The following RBMS3 variants were observed in gnomAD, a reference collection of about 807,000 sequenced individuals.
RBMS3 encodes RNA binding motif single stranded interacting protein 3.
Under a neutral mutation model 66.8 loss-of-function variants are expected in RBMS3, and 27 were observed. That is an observed-to-expected ratio of 0.40 (90% CI 0.30 to 0.56). The LOEUF (loss-of-function observed/expected upper bound fraction) is 0.56, where lower values mean the gene tolerates loss of function less well. Ranked by LOEUF, RBMS3 falls within the 20% of genes least tolerant of loss-of-function variation. The probability of loss-of-function intolerance (pLI) is 0.40; values close to 1 mark genes in which losing one functional copy is unlikely to be tolerated. For missense variants in RBMS3, 513 were observed against 549.5 expected (o/e 0.93, Z 0.66); for synonymous variants, 188 against 183.0 (o/e 1.03, Z -0.22).
chr3:29,373,566 GT>G (rs1158321022), intron 1 of RBMS3, among the ~76,000 whole-genome samples: 1 of 152,198 alleles, frequency 6.6e-6, no homozygotes, highest in African/African-American at 2.4e-5. Context: ...ATAATGATCA[GT>G]TTCTGTTTCC....
chr3:29,580,089 A>T (rs1054711229), intron 3 of RBMS3, among the ~76,000 whole-genome samples: 2 of 152,226 alleles, frequency 1.3e-5, no homozygotes, highest in African/African-American at 4.8e-5. Context: ...CAAGTGCCGT[A>T]CTACTAAATA....
Position 29,944,122 on chromosome 3 carries a change from G to C in RBMS3, c.1051-85G>C, listed in dbSNP as rs563828864. 4.9e-6 allele frequency: 6 copies of C among 1,229,018 alleles called. No individual in the cohort carries two copies. In the East Asian group the frequency reaches 1.4e-4, roughly 29 times the overall value. The allele number at this position is 1,229,018 out of a possible 1,614,324, so 76.1% of individuals were successfully genotyped here. A position where few individuals can be genotyped will look rare whatever the true frequency, so the allele number is the denominator to read the frequency against. Reference sequence around the variant, plus strand: ...GTCAGGCAACCATATGACACACAGCGGACTCTTCCACGTGTTAGGGCTGAT... The same window carrying C: ...GTCAGGCAACCATATGACACACAGCCGACTCTTCCACGTGTTAGGGCTGAT... On this transcript the variant is annotated intron_variant, in intron 11 of 14. Coordinates refer to ENST00000383767, the MANE Select transcript of RBMS3 (RefSeq NM_001003793.3).
chr3:29,746,668 T>C (rs2054909107), intron 5 of RBMS3, among the ~76,000 whole-genome samples: 1 of 152,144 alleles, frequency 6.6e-6, no homozygotes, highest in Non-Finnish European at 1.5e-5. Context: ...GTGATGAACA[T>C]TCTATTTTCT....
At chr3:29,840,673 C>T (rs749359155) in intron 6 of RBMS3, among the ~76,000 whole-genome samples, 2 of 152,018 alleles carry the variant, frequency 1.3e-5, no homozygotes, top group African/African-American at 2.4e-5. Flanking sequence ...TTGAGAACTG[C>T]TGGCATATGA....
chr3:29,371,041 C>T (rs148035910), intron 1 of RBMS3, among the ~76,000 whole-genome samples: 6 of 152,254 alleles, frequency 3.9e-5, no homozygotes, highest in Non-Finnish European at 7.4e-5. Context: ...TATTTTTAAG[C>T]GATCTTTGTT....
intron 1 of RBMS3, among the ~76,000 whole-genome samples, chr3:29,322,019 A>G (rs2035037431): frequency 6.6e-6 from 1 of 152,172 alleles, no homozygotes; most frequent in African/African-American, 2.4e-5. Context: ...AGAATACGTG[A>G]TAAAATTGTA....
intron 2 of RBMS3, among the ~76,000 whole-genome samples, chr3:29,446,891 C>G (rs2125751042): frequency 7.1e-6 from 1 of 140,172 alleles, no homozygotes; most frequent in Non-Finnish European, 1.5e-5. Flanking sequence ...TTCTTCAATG[C>G]TTCCATTAAG....
At chr3:29,548,450 A>AAAC (rs765552857) in intron 3 of RBMS3, among the ~76,000 whole-genome samples, 33 of 129,400 alleles carry the variant, frequency 2.6e-4, no homozygotes, top group Non-Finnish European at 4.6e-4. Context: ...ACAAACAAAC[A>AAAC]AAAAACAAAA....
intron 1 of RBMS3, among the ~76,000 whole-genome samples, chr3:29,308,556 T>TA (rs1042231619): frequency 6.0e-5 from 9 of 150,614 alleles, no homozygotes; most frequent in Admixed American, 6.6e-5. Context: ...CTGCCAGGGC[T>TA]AAAAAAAAAT....
intron 10 of RBMS3, among the ~76,000 whole-genome samples, chr3:29,927,879 C>T: frequency 6.6e-6 from 1 of 152,102 alleles, no homozygotes; most frequent in East Asian, 1.9e-4. Context: ...AAAGCACATG[C>T]TCTTGGGCAG....
chr3:29,545,990 AC>A (rs1431016286), intron 3 of RBMS3, among the ~76,000 whole-genome samples: 1 of 150,792 alleles, frequency 6.6e-6, no homozygotes, highest in Non-Finnish European at 1.5e-5. Flanking sequence ...TCCAAGGAAA[AC>A]TTTGTTGTTA....
chr3:29,296,874 A>T (rs2033304402), intron 1 of RBMS3, among the ~76,000 whole-genome samples: 2 of 143,178 alleles, frequency 1.4e-5, no homozygotes, highest in African/African-American at 2.6e-5. Context: ...ACCTGAAAAG[A>T]TGACCTTTTT....
chr3:29,515,672 T>G (rs1005109925), intron 3 of RBMS3, among the ~76,000 whole-genome samples: 1 of 152,166 alleles, frequency 6.6e-6, no homozygotes, highest in Non-Finnish European at 1.5e-5. Context: ...TCCAGAGCAG[T>G]AGGGTGACTC....
rs961745906 is a variant in RBMS3 at position 30,004,764 on chromosome 3, T to A, written c.*902T>A. 1.6e-4 allele frequency: 24 copies of A among 152,220 alleles called. No individual in the cohort carries two copies. The highest frequency in any genetic ancestry group is 7.2e-4 in the Admixed American group (11 of 15,212). The allele number at this position is 152,220 out of a possible 1,614,324, so 9.4% of individuals were successfully genotyped here. A position where few individuals can be genotyped will look rare whatever the true frequency, so the allele number is the denominator to read the frequency against. ...TTGGGGGGCAGAATGCAGATTTTTT[T>A]AATTTACAAAGCGTGATCGCTAGCA... On this transcript the variant is annotated 3_prime_UTR_variant, in exon 15 of 15. Coordinates refer to ENST00000383767, the MANE Select transcript of RBMS3 (RefSeq NM_001003793.3).
intron 2 of RBMS3, among the ~76,000 whole-genome samples, chr3:29,482,510 T>C (rs2043161328): frequency 6.6e-6 from 1 of 152,096 alleles, no homozygotes; most frequent in African/African-American, 2.4e-5. Context: ...ACTAGTTATT[T>C]CAAGTGGCAG....
chr3:29,500,852 G>A (rs1218814198), intron 3 of RBMS3, among the ~76,000 whole-genome samples: 1 of 152,066 alleles, frequency 6.6e-6, no homozygotes, highest in Non-Finnish European at 1.5e-5. Context: ...GTGTGTGTGT[G>A]TGTGTGTGTG....
At position 29,587,082 on chromosome 3, in the gene RBMS3, A is replaced by G. The variant is rs777599562; in HGVS notation, c.308-32A>G. 2.6e-6 allele frequency: 4 copies of G among 1,539,390 alleles called. No individual in the cohort carries two copies. The African/African-American group carries it at 4.2e-5, about 16-fold the overall frequency. The stretch of plus-strand genomic sequence containing the variant: ...GAAGATAGAGATTCAGCTTTTTGTG[A>G]ATATTAACAAGGGGATTTTGTGTTT... On this transcript the variant is annotated intron_variant, in intron 3 of 14. Transcript: ENST00000383767.
At chr3:29,737,062 C>T (rs1223425517) in intron 4 of RBMS3, among the ~76,000 whole-genome samples, 1 of 151,952 alleles carries the variant, frequency 6.6e-6, no homozygotes. Context: ...CTGCAAGCTC[C>T]GCCTCCCGGG....
intron 1 of RBMS3, among the ~76,000 whole-genome samples, chr3:29,365,200 G>A (rs2037829969): frequency 6.6e-6 from 1 of 152,068 alleles, no homozygotes; most frequent in South Asian, 2.1e-4. Flanking sequence ...GGCCTTGGCT[G>A]CACCAAATGG....
Sources: allele counts gnomAD v4.1 joint callset (sites outside exome capture counted in the v4.1 genomes callset), GRCh38; gene constraint gnomAD v4.1.1; transcripts MANE v1.5; gene names NCBI Gene and HGNC (gene_info 2026-07-23, HGNC 2026-07-21).